Variants in COL12A1 observed in about 807,000 individuals in gnomAD.
COL12A1 encodes collagen alpha-1(XII) chain.
In COL12A1, 114 loss-of-function variants were observed where a neutral mutation model predicts 349.7. That is an observed-to-expected ratio of 0.33 (90% CI 0.28 to 0.38). COL12A1 has a LOEUF of 0.38. COL12A1 is among the 10% of genes least tolerant of loss of function. The probability of loss-of-function intolerance (pLI) is 1.00; values close to 1 mark genes in which losing one functional copy is unlikely to be tolerated. For missense variants in COL12A1, 3,284 were observed against 3,756.9 expected (o/e 0.87, Z 3.29); for synonymous variants, 1,369 against 1,329.0 (o/e 1.03, Z -0.66).
At chr6:75,177,548 A>T in intron 12 of COL12A1, 115 bp downstream of exon 12, 2 of 1,321,152 alleles carry the variant, frequency 1.5e-6, no homozygotes, top group Non-Finnish European at 2.1e-6. Flanking sequence ...GGTCTAACAT[A>T]CTCAAACAAT....
chr6:75,193,726 C>A (rs576053017), intron 3 of COL12A1, among the ~76,000 whole-genome samples: 3 of 151,450 alleles, frequency 2.0e-5, no homozygotes, highest in Non-Finnish European at 2.9e-5. Context: ...TCCCTCCCCC[C>A]TCCCCACACC....
rs115511838 is a variant in COL12A1, at chr6:75,148,459, G to T, written c.4186C>A (p.Arg1396=). ...EAPSNLVISE[R]THRSFRVSWT... ...CTCACTCTAAAAGAACGATGGGTTC[G>T]CTCAGAAATAACTAAGTTAGAAGGT... The change falls in exon 22 of 66, where the codon CGA becomes AGA. Residue 1396 remains arginine (R), a synonymous_variant. Transcript: ENST00000322507. 4.9e-4 allele frequency: 790 copies of T among 1,613,344 alleles called. 5 individuals are homozygous for T. In the African/African-American group the frequency reaches 9.3e-3, roughly 19 times the overall value.
intron 13 of COL12A1, among the ~76,000 whole-genome samples, chr6:75,168,001 T>A (rs972171727): frequency 6.6e-6 from 1 of 152,166 alleles, no homozygotes; most frequent in African/African-American, 2.4e-5. Context: ...AGAAAAAAAC[T>A]CACTAAAAAT....
rs1263480450 is a variant in COL12A1 at position 75,090,952 on chromosome 6, A to G, written c.8752+371T>C. On this transcript the variant is annotated intron_variant, in intron 62 of 65. Transcript: ENST00000322507. The surrounding 1 kb of genome is among the most constrained non-coding windows in gnomAD (Gnocchi z 4.1). ...TTAACAGGCCTTATGGAATAAGAAG[A>G]GCCTGTGAAAAACAGGCAAGAGAGA... 6.6e-6 allele frequency among the ~76,000 whole-genome samples: 1 copy of G among 152,212 alleles called. No homozygotes were observed. The highest frequency in any genetic ancestry group is 1.5e-5 in the Non-Finnish European group (1 of 68,040).
chr6:75,098,664 A>C (rs1282337624), intron 58 of COL12A1, among the ~76,000 whole-genome samples: 2 of 152,094 alleles, frequency 1.3e-5, no homozygotes, highest in African/African-American at 4.8e-5. Context: ...ATTTCAAAAA[A>C]AAACAGAGGT....
chr6:75,123,072 A>G (rs1765826122), intron 43 of COL12A1, among the ~76,000 whole-genome samples: 1 of 152,218 alleles, frequency 6.6e-6, no homozygotes, highest in South Asian at 2.1e-4. Context: ...TGGAAGACCT[A>G]AATCTGTAAA....
rs1294875267 is a variant in COL12A1, at chr6:75,133,321, C to G, written c.5766G>C (p.Gly1922=). The G allele has an allele frequency of 6.2e-7, 1 of 1,604,802 alleles. No homozygotes were observed. ...TCCTTCCAGTATCTGATGTGCGTCC[C>G]CCATCACCTTCAGTATAAACGGGAA... is the stretch of plus-strand genomic sequence containing the variant. ...TVVPVYTEGD[G]GRTSDTGRTL... The change falls in exon 34 of 66, where the codon GGG becomes GGC. Residue 1922 remains glycine (G), a synonymous_variant. Coordinates refer to ENST00000322507, the MANE Select transcript of COL12A1 (RefSeq NM_004370.6).
intron 60 of COL12A1, among the ~76,000 whole-genome samples, chr6:75,094,105 T>A (rs1025044563): frequency 7.9e-5 from 12 of 151,892 alleles, no homozygotes; most frequent in Non-Finnish European, 1.6e-4. Context: ...TAACCTAATA[T>A]ATCAGGAGTC....
intron 11 of COL12A1, among the ~76,000 whole-genome samples, chr6:75,178,941 C>T (rs540839198): frequency 1.3e-5 from 2 of 152,270 alleles, no homozygotes; most frequent in South Asian, 2.1e-4. Flanking sequence ...AAAGATTAAA[C>T]GAGTCAGAAC....
chr6:75,145,369 C>T lies in COL12A1; in HGVS notation c.4647G>A (p.Leu1549=). ...TGACAGGTTCACTAGTGAGGTCGTG[C>T]AGGACAGCCTGGACTGTGACTGCAT... ...TEYAVTVQAV[L]HDLTSEPVTV... The change falls in exon 25 of 66, where the codon CTG becomes CTA. Residue 1549 remains leucine (L), a synonymous_variant. Transcript: ENST00000322507. 1.2e-6 allele frequency: 2 copies of T among 1,613,482 alleles called. No homozygotes were observed. The highest frequency in any genetic ancestry group is 1.7e-6 in the Non-Finnish European group (2 of 1,179,606).
chr6:75,151,829 G>A (rs544583488), intron 20 of COL12A1, 38 bp downstream of exon 20: 1 of 1,575,394 alleles, frequency 6.3e-7, no homozygotes, highest in African/African-American at 1.4e-5. Context: ...CAGCACATTT[G>A]TAACCCCAGG....
rs1314425359 is a variant in COL12A1 at position 75,091,490 on chromosome 6, C to T, written c.8685G>A (p.Arg2895=). The change falls in exon 61 of 66, where the codon AGG becomes AGA. Residue 2895 remains arginine, a splice_region_variant and synonymous_variant. Coordinates refer to ENST00000322507, the MANE Select transcript of COL12A1 (RefSeq NM_004370.6). ...CGTAAGATTTTTTAAAAATACATAC[C>T]CTATCACCTTTTTCTCCTTTCAACC... ...PSGLKGEKGD[R]GDIASQNMMR... 4 of 1,612,750 alleles carry T rather than the reference C, an allele frequency of 2.5e-6. No homozygotes were observed. The South Asian group carries it at 4.4e-5, about 18-fold the overall frequency.
intron 24 of COL12A1, 36 bp from the exon 25 acceptor site, chr6:75,145,491 C>G: frequency 6.3e-7 from 1 of 1,592,494 alleles, no homozygotes; most frequent in Non-Finnish European, 8.6e-7. Flanking sequence ...ATAAGATATT[C>G]AAATCAAACT....
Position 75,181,058 on chromosome 6 carries a change from G to A in COL12A1, c.2045C>T (p.Ser682Leu), listed in dbSNP as rs1769251636. 3 of 1,614,046 alleles carry A rather than the reference G, an allele frequency of 1.9e-6. No homozygotes were observed. The highest frequency in any genetic ancestry group is 2.5e-6 in the Non-Finnish European group (3 of 1,180,012). The change falls in exon 11 of 66, where the codon TCG becomes TTG. Residue 682 changes from serine (S) to leucine (L), a missense_variant. Coordinates refer to ENST00000322507, the MANE Select transcript of COL12A1 (RefSeq NM_004370.6). ...GCTGCTGAGAACAACACTGGTGCTC[G>A]ATGCTGGCTCCACCACAGTGACCTC... ...DDEVTVVEPA[S>L]STSVVLSSLK...
chr6:75,112,473 T>A (rs1436759700), intron 51 of COL12A1, among the ~76,000 whole-genome samples: 1 of 151,636 alleles, frequency 6.6e-6, no homozygotes, highest in Non-Finnish European at 1.5e-5. Context: ...AAGTAAGAAG[T>A]GCTTCTTATT....
chr6:75,150,501 T>C (rs1489809804), intron 21 of COL12A1, among the ~76,000 whole-genome samples: 1 of 152,176 alleles, frequency 6.6e-6, no homozygotes, highest in African/African-American at 2.4e-5. Flanking sequence ...ACTGTAAAAT[T>C]GTAGCTTCTC....
At chr6:75,092,113 A>G (rs549279661) in intron 60 of COL12A1, among the ~76,000 whole-genome samples, 19 of 152,284 alleles carry the variant, frequency 1.2e-4, no homozygotes, top group Non-Finnish European at 2.1e-4. Flanking sequence ...AAAACCTAAC[A>G]CTGCATGTTC....
chr6:75,188,855 A>G (rs1392254326), intron 7 of COL12A1, among the ~76,000 whole-genome samples: 1 of 152,122 alleles, frequency 6.6e-6, no homozygotes, highest in Admixed American at 6.6e-5. Context: ...GTCCTCAATA[A>G]GCTGGAGCCC....
At chr6:75,169,670 T>C (rs1768522634) in intron 13 of COL12A1, among the ~76,000 whole-genome samples, 1 of 152,158 alleles carries the variant, frequency 6.6e-6, no homozygotes, top group Non-Finnish European at 1.5e-5. Flanking sequence ...ATGCCTGTGT[T>C]CTCTCTATTA....
Sources: gnomAD v4.1 joint callset for allele counts (sites outside exome capture counted in the v4.1 genomes callset) on GRCh38, gnomAD v4.1.1 for gene constraint, Gnocchi (gnomAD v3.1) non-coding constraint, MANE v1.5 for transcripts, NCBI Gene and HGNC (gene_info 2026-07-23, HGNC 2026-07-21) for gene names.